Variants in KCTD10 observed in about 807,000 individuals in gnomAD.
The protein encoded by KCTD10 is BTB/POZ domain-containing adapter for CUL3-mediated RhoA degradation protein 3.
KCTD10 carries 13 observed loss-of-function variants against 34.6 expected under a neutral mutation model. The ratio of observed to expected loss-of-function variants is 0.38; its 90% CI spans 0.24 to 0.60. The LOEUF (loss-of-function observed/expected upper bound fraction) is 0.60. Among genes scored for constraint, KCTD10 ranks in the 20% least tolerant of loss-of-function variants. The probability of loss-of-function intolerance (pLI) is 0.66; values close to 1 mark genes in which losing one functional copy is unlikely to be tolerated. For missense variants in KCTD10, 256 were observed against 420.3 expected, an observed-to-expected ratio of 0.61 and a Z score of 3.42; for synonymous variants, 156 against 168.8, an observed-to-expected ratio of 0.92 and a Z score of 0.59.
chr12:109,456,341 C>G (rs1873017596), intron 5 of KCTD10, 28 bp from the exon 6 acceptor site: 1 of 1,606,614 alleles, frequency 6.2e-7, no homozygotes, highest in South Asian at 1.1e-5. Flanking sequence ...ATACGGTGAC[C>G]ACAAGCTGGT....
chr12:109,469,968 G>C (rs1873805992), intron 1 of KCTD10: 1 of 1,233,068 alleles, frequency 8.1e-7, no homozygotes, highest in African/African-American at 1.5e-5. Flanking sequence ...TGGGGTATTG[G>C]ATGACCCCTA....
intron 1 of KCTD10, among the ~76,000 whole-genome samples, chr12:109,471,789 C>T (rs910420500): frequency 2.1e-4 from 32 of 152,200 alleles, no homozygotes; most frequent in Non-Finnish European, 4.3e-4. Context: ...TTTTTAAGCA[C>T]CCCTTTCAGA....
chr12:109,474,953 C>G (rs1397444121), intron 1 of KCTD10, among the ~76,000 whole-genome samples: 1 of 152,152 alleles, frequency 6.6e-6, no homozygotes, highest in Non-Finnish European at 1.5e-5. Context: ...ACCTGGATTG[C>G]AATCCAGTTC....
intron 6 of KCTD10, among the ~76,000 whole-genome samples, chr12:109,455,808 T>C (rs1271411441): frequency 6.6e-6 from 1 of 152,016 alleles, no homozygotes; most frequent in African/African-American, 2.4e-5. Flanking sequence ...GTGGGAGAAG[T>C]CAAAGGATAG....
intron 2 of KCTD10, among the ~76,000 whole-genome samples, chr12:109,463,550 A>G (rs67074557): frequency 0.053 from 8,107 of 152,198 alleles, 297 homozygotes; most frequent in Non-Finnish European, 0.082. Context: ...CACGAGAGCT[A>G]TTTAGGAAGG....
intron 2 of KCTD10, among the ~76,000 whole-genome samples, chr12:109,467,770 A>G (rs1873662851): frequency 6.6e-6 from 1 of 151,938 alleles, no homozygotes; most frequent in Non-Finnish European, 1.5e-5. Context: ...TGTGTTTTCC[A>G]GGCAGCACCA....
chr12:109,467,055 T>C (rs1275694741), intron 2 of KCTD10, among the ~76,000 whole-genome samples: 1 of 152,206 alleles, frequency 6.6e-6, no homozygotes, highest in Non-Finnish European at 1.5e-5. Flanking sequence ...AGCCCAGGCC[T>C]TCACGAGGGC....
At chr12:109,458,113 C>T in intron 3 of KCTD10, 35 bp from the exon 4 acceptor site, 3 of 1,559,850 alleles carry the variant, frequency 1.9e-6, no homozygotes, top group Non-Finnish European at 2.7e-6. Flanking sequence ...GCCTAGGAGG[C>T]CTGCCTAGCA....
chr12:109,475,959 G>A (rs1335727616), intron 1 of KCTD10, among the ~76,000 whole-genome samples: 1 of 152,188 alleles, frequency 6.6e-6, no homozygotes, highest in African/African-American at 2.4e-5. Context: ...ATGTTCTAGT[G>A]AGAAAGATGT....
intron 1 of KCTD10, among the ~76,000 whole-genome samples, chr12:109,475,718 C>T (rs1235686224): frequency 6.6e-6 from 1 of 152,206 alleles, no homozygotes. Flanking sequence ...ATTCCTACAG[C>T]AAAGAAGTTT....
rs1401440783 is a variant in KCTD10 at position 109,449,524 on chromosome 12, A to C, written c.*2071T>G. ...GTCGGATCACAGGGTCAGGAGTTCA[A>C]GACCAGCCTGGCCAACATGGTGAAA... On this transcript the variant is annotated 3_prime_UTR_variant, in exon 7 of 7. Transcript: ENST00000228495. The C allele has an allele frequency of 1.3e-5, 2 of 152,282 alleles. No homozygotes were observed. Among genetic ancestry groups the C allele is most frequent in the African/African-American group, 2.4e-5 (1 of 41,452 alleles). 9.4% of individuals were successfully genotyped at this position (152,282 alleles called of 1,614,324 possible). A position where few individuals can be genotyped will look rare whatever the true frequency, so the allele number is the denominator to read the frequency against.
chr12:109,467,298 C>T (rs753358527), intron 2 of KCTD10, among the ~76,000 whole-genome samples: 7 of 152,226 alleles, frequency 4.6e-5, no homozygotes, highest in Non-Finnish European at 1.0e-4. Context: ...ATCCACCCCT[C>T]GAAGGGTTAT....
chr12:109,476,234 C>G (rs1415343794), intron 1 of KCTD10, among the ~76,000 whole-genome samples: 1 of 152,212 alleles, frequency 6.6e-6, no homozygotes, highest in East Asian at 1.9e-4. Context: ...TTGAGAACCA[C>G]TGGTTTATGC....
chr12:109,468,888 G>A (rs1267821033), intron 2 of KCTD10, among the ~76,000 whole-genome samples: 5 of 151,936 alleles, frequency 3.3e-5, no homozygotes, highest in Admixed American at 2.6e-4. Flanking sequence ...TCCTGACCTC[G>A]TGATCCGCCC....
intron 1 of KCTD10, 56 bp downstream of exon 1, chr12:109,477,204 T>G: frequency 6.2e-7 from 1 of 1,609,496 alleles, no homozygotes; most frequent in South Asian, 1.1e-5. Flanking sequence ...ACTCTGCTGC[T>G]GCCCAGCTCC....
In KCTD10 at chr12:109,452,845, C is replaced by CTTTTTTT. The variant is rs746503433; in HGVS notation, c.724-1039_724-1033dup. Among the ~76,000 whole-genome samples the CTTTTTTT allele has an allele frequency of 5.2e-4, 75 of 143,764 alleles. 2 individuals carry two copies. The highest frequency in any genetic ancestry group is 3.5e-3 in the Middle Eastern group (1 of 286). 94.3% of individuals were successfully genotyped at this position (143,764 alleles called of 152,430 possible). ...TGGGAGGAAATCCTGGTTTTCTTTCCTTTTTTTTTAAAAGATATGGGATCT... is the reference window on the plus strand; with the variant it reads ...TGGGAGGAAATCCTGGTTTTCTTTCCTTTTTTTTTTTTTTTTAAAAGATATGGGATCT... On this transcript the variant is annotated intron_variant, in intron 6 of 6. Coordinates refer to ENST00000228495, the MANE Select transcript of KCTD10 (RefSeq NM_031954.5).
At chr12:109,477,187 T>C in intron 1 of KCTD10, 73 bp downstream of exon 1, 1 of 1,581,210 alleles carries the variant, frequency 6.3e-7, no homozygotes, top group Non-Finnish European at 8.6e-7. Flanking sequence ...TCTCGGTCCC[T>C]TCTTATACTC....
chr12:109,457,816 G>T, intron 4 of KCTD10, 134 bp from the exon 5 acceptor site: 1 of 1,095,208 alleles, frequency 9.1e-7, no homozygotes, highest in Non-Finnish European at 1.4e-6. Flanking sequence ...GGCTGGAGAG[G>T]GGGACCACAT....
At chr12:109,468,583 C>T (rs1873706241) in intron 2 of KCTD10, among the ~76,000 whole-genome samples, 1 of 151,884 alleles carries the variant, frequency 6.6e-6, no homozygotes, top group Non-Finnish European at 1.5e-5. Flanking sequence ...GCCCTGTTGT[C>T]AGGGGCTCTT....
Sources: allele counts gnomAD v4.1 joint callset (sites outside exome capture counted in the v4.1 genomes callset), GRCh38; gene constraint gnomAD v4.1.1; transcripts MANE v1.5; gene names NCBI Gene and HGNC (gene_info 2026-07-23, HGNC 2026-07-21).